The following PROSER3 variants were observed in gnomAD, a reference collection of about 807,000 sequenced individuals.
PROSER3 encodes proline and serine-rich protein 3.
Under a neutral mutation model 50.2 loss-of-function variants are expected in PROSER3, and 33 were observed. The ratio of observed to expected loss-of-function variants is 0.66; its 90% CI spans 0.50 to 0.88. The LOEUF (loss-of-function observed/expected upper bound fraction) is 0.88. Ranked by LOEUF, PROSER3 falls within the 40% of genes least tolerant of loss-of-function variation. The pLI, the probability that PROSER3 is intolerant of heterozygous loss-of-function variation, is 0.00. For missense variants in PROSER3, 623 were observed against 612.7 expected (o/e 1.02, Z -0.18); for synonymous variants, 266 against 259.3 (o/e 1.03, Z -0.25).
In PROSER3 at chr19:35,766,797, C is replaced by A. The variant is rs773248717; in HGVS notation, c.799C>A (p.Pro267Thr). ...CCCGGCACCAGCCCAGGCCCAGACC[C>A]CCACCCCTGCTCCAGCCCCAGCCTC... The change falls in exon 8 of 11, where the codon CCC (proline) becomes ACC (threonine). Residue 267 changes from proline to threonine, a missense_variant. Physicochemically the swap from Pro to Thr is conservative, Grantham distance 38. Transcript: ENST00000396908. 93 of 1,550,952 alleles carry A rather than the reference C, an allele frequency of 6.0e-5. No individual in the cohort carries two copies. The South Asian group carries it at 1.0e-3, about 17-fold the overall frequency.
At chr19:35,759,256 A>T (rs978159919) in intron 1 of PROSER3, 118 bp from the exon 2 acceptor site, 10 of 791,318 alleles carry the variant, frequency 1.3e-5, no homozygotes, top group Non-Finnish European at 2.0e-5. Context: ...CATGGAAATG[A>T]CAGTCCGTCT....
rs554901261 is a variant in PROSER3, at chr19:35,758,675, C to CT, written c.11+458dup. 52 of 162,842 alleles carry CT rather than the reference C, an allele frequency of 3.2e-4. 1 individual carries two copies. The highest frequency in any genetic ancestry group is 5.6e-3 in the Middle Eastern group (2 of 358). 10.1% of individuals were successfully genotyped at this position (162,842 alleles called of 1,614,324 possible). A position where few individuals can be genotyped will look rare whatever the true frequency, so the allele number is the denominator to read the frequency against. ...TCCAGCCGCGGTTCTTTCTTTCTTT[C>CT]TTTTTTTTTAAGACAGAGTCTCTCG... is the stretch of plus-strand genomic sequence containing the variant. On this transcript the variant is annotated intron_variant, in intron 1 of 10. Coordinates refer to ENST00000396908, the Ensembl canonical transcript of PROSER3.
chr19:35,768,058 T>C (rs1971228861), exon 9 of PROSER3: 1 of 1,583,228 alleles, frequency 6.3e-7, no homozygotes, highest in Non-Finnish European at 8.6e-7. Context: ...TGCTGCAGGC[T>C]GCAGAAGGTG....
intron 8 of PROSER3, chr19:35,767,169 C>G (rs1012639924): frequency 1.8e-6 from 1 of 553,948 alleles, no homozygotes; most frequent in African/African-American, 1.9e-5. Context: ...CCACCAGAGG[C>G]CTTCTATGTG....
intron 1 of PROSER3, chr19:35,759,097 T>C (rs898793812): frequency 1.6e-4 from 59 of 377,106 alleles, no homozygotes; most frequent in Non-Finnish European, 2.6e-4. Flanking sequence ...CGCGCGCCTG[T>C]AACGTTGAAA....
At position 35,767,132 on chromosome 19, in the gene PROSER3, C is replaced by T. The variant is rs957665680; in HGVS notation, c.957+177C>T. 1.5e-4 allele frequency: 127 copies of T among 834,528 alleles called. No homozygotes were observed. The highest frequency in any genetic ancestry group is 2.5e-5 in the Non-Finnish European group (14 of 563,328). 51.7% of individuals were successfully genotyped at this position (834,528 alleles called of 1,614,324 possible). On this transcript the variant is annotated intron_variant, in intron 8 of 10. Coordinates refer to ENST00000396908, the Ensembl canonical transcript of PROSER3. ...GGGGACCCAGCCTAACCATGTCCCA[C>T]TGTGGAGCAGTGTGGCCCAGCCTGG...
At chr19:35,762,563 A>AG (rs1970993909) in intron 5 of PROSER3, 1 of 410,828 alleles carries the variant, frequency 2.4e-6, no homozygotes, top group Non-Finnish European at 4.3e-6. Flanking sequence ...AAAAAAAAAA[A>AG]GAGAGAGAGA....
At chr19:35,763,379 T>C (rs1295419002) in intron 5 of PROSER3, among the ~76,000 whole-genome samples, 8 of 150,960 alleles carry the variant, frequency 5.3e-5, no homozygotes, top group Non-Finnish European at 1.0e-4. Context: ...TTTTTTTGTA[T>C]TTTTTTAGTA....
At chr19:35,762,028 C>G in exon 4 of PROSER3, 1 of 1,606,754 alleles carries the variant, frequency 6.2e-7, no homozygotes, top group Non-Finnish European at 8.5e-7. Context: ...GGTATATAAA[C>G]AGGTTCCGCC....
At chr19:35,768,201 A>C in exon 10 of PROSER3, 1 of 1,613,540 alleles carries the variant, frequency 6.2e-7, no homozygotes, top group South Asian at 1.1e-5. Context: ...TGCAGGTGCT[A>C]AGAGCCCATA....
intron 1 of PROSER3, chr19:35,758,587 T>C: frequency 3.5e-6 from 1 of 287,364 alleles, no homozygotes; most frequent in East Asian, 5.9e-5. Flanking sequence ...CTGGGGCTTG[T>C]AGTCCATCTA....
chr19:35,759,482 C>A lies in PROSER3; in HGVS notation c.108+12C>A. ...CCTGGTGTCCCAAGGTGAGGACACC[C>A]CTCAAAGAGTGCTGAGTGCCAGCCC... On this transcript the variant is annotated intron_variant, in intron 2 of 10. Transcript: ENST00000396908. 1 of 1,603,338 alleles carries A rather than the reference C, an allele frequency of 6.2e-7. No individual in the cohort carries two copies.
intron 7 of PROSER3, among the ~76,000 whole-genome samples, chr19:35,765,509 G>C (rs1568412249): frequency 6.6e-6 from 1 of 152,054 alleles, no homozygotes; most frequent in Non-Finnish European, 1.5e-5. Flanking sequence ...GAACCTGGGA[G>C]GCGGAGGTTG....
At chr19:35,760,534 G>A (rs993507857) in intron 3 of PROSER3, among the ~76,000 whole-genome samples, 4 of 152,116 alleles carry the variant, frequency 2.6e-5, no homozygotes, top group Non-Finnish European at 5.9e-5. Flanking sequence ...TGCCCAAGTT[G>A]GAATGCAGTG....
intron 5 of PROSER3, among the ~76,000 whole-genome samples, chr19:35,763,234 C>G (rs1486311928): frequency 6.6e-6 from 1 of 151,584 alleles, no homozygotes; most frequent in Non-Finnish European, 1.5e-5. Context: ...CAGAGTCTTG[C>G]TCTGTCACCC....
intron 10 of PROSER3, 52 bp from the exon 11 acceptor site, chr19:35,768,352 A>G (rs1971242872): frequency 1.3e-6 from 2 of 1,581,424 alleles, no homozygotes; most frequent in African/African-American, 2.7e-5. Flanking sequence ...ACAGCCCCAG[A>G]TTCTAAGCCT....
exon 10 of PROSER3, chr19:35,768,174 C>G (rs1276752904): frequency 6.2e-7 from 1 of 1,613,664 alleles, no homozygotes; most frequent in Admixed American, 1.7e-5. Context: ...GCAGCGAGTT[C>G]CAGGACGATC....
At chr19:35,767,911 C>G (rs1240488893) in exon 9 of PROSER3, 4 of 1,612,840 alleles carry the variant, frequency 2.5e-6, no homozygotes, top group Non-Finnish European at 2.5e-6. Context: ...AGGTCCCACT[C>G]TCTCCAGCTG....
chr19:35,764,847 C>T lies in PROSER3; in HGVS notation c.544-7C>T, dbSNP rs553509185. Reference sequence around the variant, plus strand: ...TGGGGCTGGCGTCTGACCCTGTCACCCTGCAGAACCTCCACACATGGAACT... The same window carrying T: ...TGGGGCTGGCGTCTGACCCTGTCACTCTGCAGAACCTCCACACATGGAACT... On this transcript the variant is annotated splice_region_variant and splice_polypyrimidine_tract_variant and intron_variant, in intron 5 of 10. Coordinates refer to ENST00000396908, the Ensembl canonical transcript of PROSER3. 3 of 1,612,246 alleles carry T rather than the reference C, an allele frequency of 1.9e-6. No homozygotes were observed. Among genetic ancestry groups the T allele is most frequent in the East Asian group, 4.5e-5 (2 of 44,804 alleles).
Sources: allele counts gnomAD v4.1 joint callset (sites outside exome capture counted in the v4.1 genomes callset), GRCh38; gene constraint gnomAD v4.1.1; transcripts MANE v1.5; gene names NCBI Gene and HGNC (gene_info 2026-07-23, HGNC 2026-07-21).